The following UBE2E3 variants were observed in gnomAD, a reference collection of about 807,000 sequenced individuals.
UBE2E3 encodes ubiquitin-conjugating enzyme E2 E3.
Under a neutral mutation model 23.6 loss-of-function variants are expected in UBE2E3, and 5 were observed. The ratio of observed to expected loss-of-function variants is 0.21; its 90% CI spans 0.11 to 0.44. UBE2E3 has a LOEUF of 0.44. Ranked by LOEUF, UBE2E3 falls within the 20% of genes least tolerant of loss-of-function variation. The pLI is 0.99. For missense variants in UBE2E3, 81 were observed against 249.8 expected (o/e 0.32, Z 4.55); for synonymous variants, 78 against 87.5 (o/e 0.89, Z 0.60).
chr2:181,030,547 T>C lies in UBE2E3; in HGVS notation c.246-27146T>C, dbSNP rs539316827. Among the ~76,000 whole-genome samples the C allele has an allele frequency of 6.8e-4, 103 of 152,292 alleles. 1 individual carries two copies. Among genetic ancestry groups the C allele is most frequent in the African/African-American group, 2.4e-3 (100 of 41,570 alleles). ...GATTGGCTTCTTTTTTTCTTACACC[T>C]AATTAGCCTGTTTTTAATACTGGCC... On this transcript the variant is annotated intron_variant, in intron 3 of 5. Transcript: ENST00000410062.
chr2:181,051,759 A>C (rs560886941), intron 3 of UBE2E3, among the ~76,000 whole-genome samples: 33 of 151,914 alleles, frequency 2.2e-4, no homozygotes, highest in Non-Finnish European at 4.0e-4. Context: ...AGGACTATTA[A>C]AATACTTAGT....
chr2:181,006,640 T>C (rs1258279382), intron 3 of UBE2E3, among the ~76,000 whole-genome samples: 4 of 152,072 alleles, frequency 2.6e-5, no homozygotes, highest in Non-Finnish European at 5.9e-5. Context: ...AATTAAACTT[T>C]TGATTTTGAG....
At chr2:181,054,695 C>T (rs983536158) in intron 3 of UBE2E3, among the ~76,000 whole-genome samples, 4 of 151,788 alleles carry the variant, frequency 2.6e-5, no homozygotes, top group African/African-American at 9.7e-5. Context: ...GTTCTCTTGA[C>T]ATTGTCTTGC....
At chr2:181,032,167 G>A (rs1270080518) in intron 3 of UBE2E3, among the ~76,000 whole-genome samples, 1 of 152,172 alleles carries the variant, frequency 6.6e-6, no homozygotes, top group Non-Finnish European at 1.5e-5. Flanking sequence ...CTTGGGTTTA[G>A]AGGGCAAAAT....
chr2:181,035,932 CTATAGG>C (rs1276166628), intron 3 of UBE2E3, among the ~76,000 whole-genome samples: 2 of 142,044 alleles, frequency 1.4e-5, no homozygotes, highest in Admixed American at 6.9e-5. Context: ...GTGTTGAACT[CTATAGG>C]TATAAAGTAA....
chr2:181,062,496 G>A (rs1687189165), intron 5 of UBE2E3, among the ~76,000 whole-genome samples: 1 of 151,346 alleles, frequency 6.6e-6, no homozygotes, highest in Admixed American at 6.6e-5. Context: ...TTGAATGAAA[G>A]GCCAAAATTA....
intron 3 of UBE2E3, among the ~76,000 whole-genome samples, chr2:181,049,717 T>G (rs982248135): frequency 7.9e-5 from 12 of 152,022 alleles, no homozygotes; most frequent in Non-Finnish European, 1.3e-4. Context: ...ATGCCATAGT[T>G]TTTTTACTTC....
intron 3 of UBE2E3, chr2:180,989,810 A>G (rs1684600464): frequency 1.4e-6 from 2 of 1,440,064 alleles, no homozygotes; most frequent in South Asian, 1.5e-5. Flanking sequence ...TATTCCTCTC[A>G]TAACCAATTA....
At chr2:181,002,849 A>G (rs913845702) in intron 3 of UBE2E3, among the ~76,000 whole-genome samples, 2 of 152,170 alleles carry the variant, frequency 1.3e-5, no homozygotes, top group African/African-American at 2.4e-5. Flanking sequence ...TTTATTGTGC[A>G]TAGATTTCAA....
intron 3 of UBE2E3, among the ~76,000 whole-genome samples, chr2:180,990,434 T>C (rs79824668): frequency 0.042 from 6,353 of 152,316 alleles, 188 homozygotes; most frequent in African/African-American, 0.076. Context: ...TTGACTGTTT[T>C]CCTGTCTTAT....
At position 180,987,441 on chromosome 2, in the gene UBE2E3, A is replaced by G. The variant is rs149717548; in HGVS notation, c.245+3348A>G. The G allele has an allele frequency of 2.0e-5, 31 of 1,540,694 alleles. No individual in the cohort carries two copies. The African/African-American group carries it at 3.7e-4, about 18-fold the overall frequency. On this transcript the variant is annotated intron_variant, in intron 3 of 5. Transcript: ENST00000410062. ...CCCTAATTTCTTTCCATATAGGAAG[A>G]AGCACAAATATACTGACGAATATTT...
intron 3 of UBE2E3, among the ~76,000 whole-genome samples, chr2:181,025,353 G>A (rs1337874993): frequency 1.3e-5 from 2 of 151,732 alleles, no homozygotes; most frequent in Admixed American, 1.3e-4. Context: ...GCAAATAAAT[G>A]TAATTTTCAC....
At chr2:181,022,230 C>A (rs1019836480) in intron 3 of UBE2E3, among the ~76,000 whole-genome samples, 4 of 151,722 alleles carry the variant, frequency 2.6e-5, no homozygotes, top group Admixed American at 2.6e-4. Flanking sequence ...GGAAATGTAA[C>A]CTTTTTGGTT....
At chr2:181,045,793 TTCCC>T (rs1459269798) in intron 3 of UBE2E3, among the ~76,000 whole-genome samples, 2 of 152,266 alleles carry the variant, frequency 1.3e-5, no homozygotes, top group Non-Finnish European at 2.9e-5. Flanking sequence ...CTCCACACTG[TTCCC>T]TCCCTTCCAC....
chr2:181,057,767 G>C lies in UBE2E3; in HGVS notation c.320G>C (p.Gly107Ala). 6.2e-7 allele frequency: 1 copy of C among 1,611,640 alleles called. No individual in the cohort carries two copies. Residue 107 changes from glycine to alanine, a missense_variant, in exon 4 of 6, where the codon GGT (glycine) becomes GCT (alanine). Transcript: ENST00000410062. ...ILGPPGSVYE[G>A]GVFFLDITFS... The stretch of plus-strand genomic sequence containing the variant: ...GGTCCACCGGGTTCTGTATATGAAG[G>C]TGGTGTGTTTTTTCTGGATATCACA...
At chr2:180,985,512 T>C (rs1313482150) in intron 3 of UBE2E3, among the ~76,000 whole-genome samples, 1 of 152,194 alleles carries the variant, frequency 6.6e-6, no homozygotes, top group Non-Finnish European at 1.5e-5. Flanking sequence ...TTTTACTATG[T>C]TAATATGTTA....
Position 180,982,369 on chromosome 2 carries a change from T to C in UBE2E3, c.194+133T>C, listed in dbSNP as rs114482339. The C allele has an allele frequency of 6.5e-4, 529 of 813,876 alleles. 1 individual carries two copies. The African/African-American group carries it at 8.4e-3, about 13-fold the overall frequency. The allele number at this position is 813,876 out of a possible 1,614,324, so 50.4% of individuals were successfully genotyped here. ...CATTATCAGTTTAATTGTACTTGAATGAGTTGTCATTCTTTAGGTGGTATG... is the reference window on the plus strand; with the variant it reads ...CATTATCAGTTTAATTGTACTTGAACGAGTTGTCATTCTTTAGGTGGTATG... On this transcript the variant is annotated intron_variant, in intron 2 of 5. Transcript: ENST00000410062.
At chr2:181,013,180 G>A (rs1313330941) in intron 3 of UBE2E3, among the ~76,000 whole-genome samples, 2 of 152,118 alleles carry the variant, frequency 1.3e-5, no homozygotes, top group Admixed American at 6.6e-5. Context: ...GAAAAATACT[G>A]AGTGTTATGA....
intron 3 of UBE2E3, chr2:180,987,430 C>T: frequency 1.3e-6 from 2 of 1,547,464 alleles, no homozygotes; most frequent in Middle Eastern, 1.7e-4. Context: ...AATTTCTTTC[C>T]ATATAGGAAG....
Sources: allele counts gnomAD v4.1 joint callset (sites outside exome capture counted in the v4.1 genomes callset), GRCh38; gene constraint gnomAD v4.1.1; transcripts MANE v1.5; gene names NCBI Gene and HGNC (gene_info 2026-07-23, HGNC 2026-07-21).